The following COL22A1 variants were observed in gnomAD, a reference collection of about 807,000 sequenced individuals.
COL22A1 encodes collagen alpha-1(XXII) chain.
Under a neutral mutation model 248.9 loss-of-function variants are expected in COL22A1, and 221 were observed. That is an observed-to-expected ratio of 0.89 (90% CI 0.80 to 0.99). The LOEUF (loss-of-function observed/expected upper bound fraction) is 0.99, where lower values mean the gene tolerates loss of function less well. Ranked by LOEUF, COL22A1 falls within the 50% of genes least tolerant of loss-of-function variation. The probability of loss-of-function intolerance (pLI) is 0.00; values close to 1 mark genes in which losing one functional copy is unlikely to be tolerated. For synonymous variants in COL22A1, 891 were observed against 793.4 expected (o/e 1.12, Z -2.07); for missense variants, 2,240 against 2,179.0 (o/e 1.03, Z -0.56).
intron 4 of COL22A1, among the ~76,000 whole-genome samples, chr8:138,841,009 G>T (rs1385631301): frequency 6.6e-6 from 1 of 152,148 alleles, no homozygotes; most frequent in Non-Finnish European, 1.5e-5. Context: ...ATGCAGGCAG[G>T]TTTGTTTGTT....
chr8:138,703,960 G>A (rs1215206423), intron 30 of COL22A1, among the ~76,000 whole-genome samples: 1 of 152,160 alleles, frequency 6.6e-6, no homozygotes, highest in Admixed American at 6.5e-5. Context: ...TTAGCAAACG[G>A]CACACCAGAA....
intron 49 of COL22A1, 48 bp from the exon 50 acceptor site, chr8:138,630,796 G>A: frequency 6.6e-7 from 1 of 1,508,054 alleles, no homozygotes; most frequent in Non-Finnish European, 9.2e-7. Context: ...TCTAGACAGA[G>A]GTCATTAGCA....
chr8:138,767,750 G>A (rs887092189), intron 16 of COL22A1, among the ~76,000 whole-genome samples: 2 of 152,120 alleles, frequency 1.3e-5, no homozygotes, highest in Admixed American at 6.5e-5. Flanking sequence ...AGCCCCTCCA[G>A]GCCAAGGCCA....
intron 41 of COL22A1, among the ~76,000 whole-genome samples, chr8:138,673,535 T>C (rs1483217336): frequency 6.6e-6 from 1 of 152,176 alleles, no homozygotes; most frequent in Admixed American, 6.5e-5. Context: ...TTAATGTGCC[T>C]TCTTTGAGGG....
intron 3 of COL22A1, among the ~76,000 whole-genome samples, chr8:138,845,434 G>A (rs1480846556): frequency 6.6e-6 from 1 of 151,944 alleles, no homozygotes; most frequent in East Asian, 1.9e-4. Context: ...GCTTGAACCT[G>A]GGAGGCGGAG....
At chr8:138,629,315 C>T (rs541275232) in intron 50 of COL22A1, among the ~76,000 whole-genome samples, 14 of 152,106 alleles carry the variant, frequency 9.2e-5, no homozygotes, top group East Asian at 1.9e-4. Flanking sequence ...TGCCACCGTG[C>T]GAGACTAATT....
rs538552034 is a variant in COL22A1 at position 138,812,945 on chromosome 8, C to G, written c.1320G>C (p.Ser440=). The change falls in exon 8 of 65, where the codon TCG becomes TCC. Residue 440 remains serine (S), a synonymous_variant. Transcript: ENST00000303045. The part of the protein sequence containing the change: ...AELETCCDIP[S]GPCQVTVVTE... Reference sequence around the variant, plus strand: ...TGTGCGAGAGTCTGCTCACCGGACCCGAGGGGATATCACAACAAGTCTCCA... The same window carrying G: ...TGTGCGAGAGTCTGCTCACCGGACCGGAGGGGATATCACAACAAGTCTCCA... 1 of 1,612,946 alleles carries G rather than the reference C, an allele frequency of 6.2e-7. No homozygotes were observed. The highest frequency in any genetic ancestry group is 1.7e-5 in the Admixed American group (1 of 60,010).
At chr8:138,739,886 C>T (rs1387217627) in intron 22 of COL22A1, among the ~76,000 whole-genome samples, 5 of 152,132 alleles carry the variant, frequency 3.3e-5, no homozygotes, top group Non-Finnish European at 5.9e-5. Flanking sequence ...CTGGAGGGTG[C>T]GATAATGTCT....
At chr8:138,618,138 G>A (rs1357040340) in intron 53 of COL22A1, among the ~76,000 whole-genome samples, 2 of 152,106 alleles carry the variant, frequency 1.3e-5, no homozygotes, top group East Asian at 1.9e-4. Context: ...TAGTACTTAC[G>A]ACCACTCTGC....
intron 1 of COL22A1, among the ~76,000 whole-genome samples, chr8:138,906,390 A>C (rs1477015375): frequency 6.8e-6 from 1 of 148,050 alleles, no homozygotes; most frequent in Non-Finnish European, 1.5e-5. Flanking sequence ...AATTACCTAC[A>C]TATTGGTCTG....
intron 1 of COL22A1, among the ~76,000 whole-genome samples, chr8:138,902,516 T>A (rs1451976544): frequency 3.3e-5 from 5 of 151,846 alleles, no homozygotes; most frequent in African/African-American, 9.7e-5. Context: ...CCTAACATGG[T>A]GAAACCCGGT....
intron 4 of COL22A1, among the ~76,000 whole-genome samples, chr8:138,836,924 G>T (rs1038475513): frequency 6.6e-6 from 1 of 152,192 alleles, no homozygotes; most frequent in South Asian, 2.1e-4. Context: ...GTAAAGGTAC[G>T]ATGCACACTG....
chr8:138,781,740 C>A (rs1029514888), intron 12 of COL22A1, among the ~76,000 whole-genome samples: 1 of 152,110 alleles, frequency 6.6e-6, no homozygotes, highest in Non-Finnish European at 1.5e-5. Flanking sequence ...CCGCCCAGCT[C>A]CAACACCACT....
intron 23 of COL22A1, among the ~76,000 whole-genome samples, chr8:138,732,517 G>A (rs527541367): frequency 3.9e-5 from 6 of 152,316 alleles, no homozygotes; most frequent in South Asian, 2.1e-4. Context: ...AAATCACTAC[G>A]TGTGAATTAA....
At chr8:138,884,416 T>A (rs955083846) in intron 1 of COL22A1, among the ~76,000 whole-genome samples, 10 of 152,196 alleles carry the variant, frequency 6.6e-5, no homozygotes, top group Admixed American at 2.0e-4. Context: ...CTTCAAGGGA[T>A]TCCTGAACCT....
chr8:138,800,319 G>A (rs993620230), intron 11 of COL22A1, among the ~76,000 whole-genome samples: 1 of 152,180 alleles, frequency 6.6e-6, no homozygotes, highest in Non-Finnish European at 1.5e-5. Context: ...GAGAGGAAGC[G>A]AGCCCTATCC....
intron 22 of COL22A1, among the ~76,000 whole-genome samples, chr8:138,744,751 T>A (rs1195675284): frequency 6.6e-6 from 1 of 152,240 alleles, no homozygotes; most frequent in African/African-American, 2.4e-5. Flanking sequence ...TGCTATGCAG[T>A]GACTATTCAA....
intron 40 of COL22A1, among the ~76,000 whole-genome samples, chr8:138,678,174 A>G (rs1825707850): frequency 1.3e-5 from 2 of 152,344 alleles, no homozygotes; most frequent in South Asian, 2.1e-4. Flanking sequence ...TTCCAAGCCC[A>G]GAAGATTACT....
intron 16 of COL22A1, among the ~76,000 whole-genome samples, chr8:138,768,840 G>A (rs528733462): frequency 1.3e-5 from 2 of 152,272 alleles, no homozygotes; most frequent in South Asian, 2.1e-4. Context: ...GGGAGGCTGA[G>A]GCAGCAGAAT....
Sources: allele counts gnomAD v4.1 joint callset (sites outside exome capture counted in the v4.1 genomes callset), GRCh38; gene constraint gnomAD v4.1.1; transcripts MANE v1.5; gene names NCBI Gene and HGNC (gene_info 2026-07-23, HGNC 2026-07-21).